Variants in PTPN14 observed in about 807,000 individuals in gnomAD.
The protein encoded by PTPN14 is protein tyrosine phosphatase non-receptor type 14.
Under a neutral mutation model 126.8 loss-of-function variants are expected in PTPN14, and 53 were observed. That is an observed-to-expected ratio of 0.42 (90% CI 0.34 to 0.53). The LOEUF (loss-of-function observed/expected upper bound fraction) is 0.53. PTPN14 is among the 20% of genes least tolerant of loss of function. PTPN14 has a pLI of 0.08. For missense variants in PTPN14, 1,257 were observed against 1,552.9 expected (o/e 0.81, Z 3.20); for synonymous variants, 630 against 599.3 (o/e 1.05, Z -0.75).
intron 1 of PTPN14, among the ~76,000 whole-genome samples, chr1:214,505,870 TG>T (rs1387477612): frequency 3.3e-5 from 5 of 152,312 alleles, no homozygotes; most frequent in African/African-American, 9.6e-5. Flanking sequence ...GACTCCTGCC[TG>T]GACAACAGAG....
chr1:214,357,811 G>A lies in PTPN14; in HGVS notation c.*111C>T. 1 of 853,154 alleles carries A rather than the reference G, an allele frequency of 1.2e-6. No homozygotes were observed. 52.8% of individuals were successfully genotyped at this position (853,154 alleles called of 1,614,324 possible). On this transcript the variant is annotated 3_prime_UTR_variant, in exon 19 of 19. Coordinates refer to ENST00000366956, the MANE Select transcript of PTPN14 (RefSeq NM_005401.5). ...CTTGGCTACTGTCTTCAGAGAGCCT[G>A]TTTGCTGCCAGCCACCTGCACCCCT...
At chr1:214,360,787 G>C (rs929417228) in intron 18 of PTPN14, among the ~76,000 whole-genome samples, 1 of 152,190 alleles carries the variant, frequency 6.6e-6, no homozygotes, top group Admixed American at 6.5e-5. Context: ...GTTATGTGAG[G>C]ATACTGATAT....
chr1:214,379,458 C>T (rs545140672), intron 13 of PTPN14, among the ~76,000 whole-genome samples: 60 of 152,218 alleles, frequency 3.9e-4, no homozygotes, highest in African/African-American at 1.4e-3. Flanking sequence ...CAACAGGATG[C>T]CTATCCTGGT....
At chr1:214,388,395 ATTTCTTT>A (rs1658672940) in intron 11 of PTPN14, among the ~76,000 whole-genome samples, 1 of 151,444 alleles carries the variant, frequency 6.6e-6, no homozygotes, top group Non-Finnish European at 1.5e-5. Flanking sequence ...AATCTCTCAT[ATTTCTTT>A]TTTCTTTTTT....
At chr1:214,432,997 A>C (rs907468710) in intron 3 of PTPN14, among the ~76,000 whole-genome samples, 1 of 152,192 alleles carries the variant, frequency 6.6e-6, no homozygotes, top group African/African-American at 2.4e-5. Context: ...TCTGCCTCCC[A>C]GGTTCACACC....
chr1:214,456,482 C>T (rs891375004), intron 2 of PTPN14, among the ~76,000 whole-genome samples: 48 of 152,158 alleles, frequency 3.2e-4, no homozygotes, highest in African/African-American at 1.0e-3. Flanking sequence ...TAGAAAAGAA[C>T]TTGTGTGTAA....
chr1:214,456,355 C>T (rs1169039480), intron 2 of PTPN14, among the ~76,000 whole-genome samples: 1 of 152,212 alleles, frequency 6.6e-6, no homozygotes, highest in Non-Finnish European at 1.5e-5. Flanking sequence ...AACAGTTTCA[C>T]TGAGGCATGG....
chr1:214,486,774 C>G (rs1279973188), intron 1 of PTPN14, among the ~76,000 whole-genome samples: 1 of 152,182 alleles, frequency 6.6e-6, no homozygotes. Flanking sequence ...TGAACCCTCT[C>G]CCATTCCCCC....
intron 2 of PTPN14, among the ~76,000 whole-genome samples, chr1:214,456,515 C>G (rs6700707): frequency 0.058 from 8,806 of 152,170 alleles, 309 homozygotes; most frequent in South Asian, 0.16. Flanking sequence ...CTGGGTAGGT[C>G]TGAGATTTCT....
chr1:214,401,123 A>AC (rs1408552937), intron 7 of PTPN14, among the ~76,000 whole-genome samples: 2 of 152,040 alleles, frequency 1.3e-5, no homozygotes, highest in African/African-American at 4.8e-5. Context: ...AACCACACCC[A>AC]CTTCAGGAGG....
chr1:214,498,069 T>C (rs1654580376), intron 1 of PTPN14, among the ~76,000 whole-genome samples: 1 of 152,210 alleles, frequency 6.6e-6, no homozygotes, highest in South Asian at 2.1e-4. Context: ...ATTACTTTTA[T>C]ATTCAGAAAA....
rs746379857 is a variant in PTPN14 at position 214,402,844 on chromosome 1, C to CT, written c.581+38dup. The CT allele has an allele frequency of 8.4e-5, 134 of 1,602,338 alleles. No homozygotes were observed. In the African/African-American group the frequency reaches 1.7e-3, roughly 20 times the overall value. ...CTCCTGCCCCATGGGCTGTAAACAT[C>CT]TGTTGTGCAGGCAGCCCCTTACCCT... is the stretch of plus-strand genomic sequence containing the variant. On this transcript the variant is annotated intron_variant, in intron 6 of 18. Coordinates refer to ENST00000366956, the MANE Select transcript of PTPN14 (RefSeq NM_005401.5).
chr1:214,529,210 A>T (rs1558143401), intron 1 of PTPN14: 1 of 152,238 alleles, frequency 6.6e-6, no homozygotes, highest in Non-Finnish European at 1.5e-5. Flanking sequence ...CCAGATACAC[A>T]GGAAGCTGAG....
intron 1 of PTPN14, among the ~76,000 whole-genome samples, chr1:214,479,649 T>C (rs1416585466): frequency 6.6e-6 from 1 of 152,088 alleles, no homozygotes; most frequent in Non-Finnish European, 1.5e-5. Context: ...CTGTCTTTAT[T>C]ATCCAAAAAA....
rs758400720 is a variant in PTPN14, at chr1:214,376,386, C to T, written c.2740G>A (p.Glu914Lys). The stretch of plus-strand genomic sequence containing the variant: ...TTCGCCTTTTTCTTTGGAATTTGCT[C>T]ATATTCTGTGAACACCATTCCCTCT... The part of the protein sequence containing the change: ...LEEGMVFTEY[E>K]QIPKKKANGI... Residue 914 changes from glutamate to lysine, a missense_variant, in exon 15 of 19, where the codon GAG becomes AAG. Around this residue, in one of 3 missense-constraint regions of PTPN14, gnomAD observed 65 missense variants for 139.7 expected, o/e 0.47. Coordinates refer to ENST00000366956, the MANE Select transcript of PTPN14 (RefSeq NM_005401.5). 6.2e-7 allele frequency: 1 copy of T among 1,614,152 alleles called. No individual in the cohort carries two copies. Among genetic ancestry groups the T allele is most frequent in the Non-Finnish European group, 8.5e-7 (1 of 1,180,004 alleles).
chr1:214,533,546 A>G, intron 1 of PTPN14: 1 of 316,982 alleles, frequency 3.2e-6, no homozygotes, highest in South Asian at 3.1e-5. Context: ...AAAAAAAAAA[A>G]AAAGGCTGGG....
At chr1:214,452,848 T>C (rs1284523802) in intron 2 of PTPN14, among the ~76,000 whole-genome samples, 1 of 152,238 alleles carries the variant, frequency 6.6e-6, no homozygotes, top group Non-Finnish European at 1.5e-5. Flanking sequence ...ATATCTCAAT[T>C]ATAGCCTAGA....
Position 214,384,864 on chromosome 1 carries a change from G to A in PTPN14, c.1067-76C>T. The stretch of plus-strand genomic sequence containing the variant: ...ACAAAGTACATCCTCATACTCATGA[G>A]GTGACTTTTAATTTAAACAAATCAT... On this transcript the variant is annotated intron_variant, in intron 12 of 18. Coordinates refer to ENST00000366956, the MANE Select transcript of PTPN14 (RefSeq NM_005401.5). This position sits in a 1 kb window ranked among gnomAD's most constrained non-coding sequence, Gnocchi z 5.3. 2 of 1,504,708 alleles carry A rather than the reference G, an allele frequency of 1.3e-6. No individual in the cohort carries two copies. The highest frequency in any genetic ancestry group is 1.8e-6 in the Non-Finnish European group (2 of 1,122,612). 93.2% of individuals were successfully genotyped at this position (1,504,708 alleles called of 1,614,324 possible). A position where few individuals can be genotyped will look rare whatever the true frequency, so the allele number is the denominator to read the frequency against.
chr1:214,477,383 C>T (rs1185106772), intron 1 of PTPN14, among the ~76,000 whole-genome samples: 1 of 152,174 alleles, frequency 6.6e-6, no homozygotes. Context: ...ACCACAAACC[C>T]ATTACAATTG....
Sources: allele counts gnomAD v4.1 joint callset (sites outside exome capture counted in the v4.1 genomes callset), GRCh38; gene constraint gnomAD v4.1.1; regional missense constraint gnomAD v4.1.1; non-coding constraint Gnocchi (gnomAD v3.1); transcripts MANE v1.5; gene names NCBI Gene and HGNC (gene_info 2026-07-23, HGNC 2026-07-21).